The following RORB variants were observed in gnomAD, a reference collection of about 807,000 sequenced individuals.
RORB encodes nuclear receptor ROR-beta.
RORB carries 6 observed loss-of-function variants against 59.1 expected under a neutral mutation model. The ratio of observed to expected loss-of-function variants is 0.10; its 90% CI spans 0.06 to 0.20. RORB has a LOEUF of 0.20. RORB is among the 10% of genes least tolerant of loss of function. RORB has a pLI of 1.00. For missense variants in RORB, 320 were observed against 560.5 expected (o/e 0.57, Z 4.33); for synonymous variants, 215 against 204.5 (o/e 1.05, Z -0.44).
Position 74,649,248 on chromosome 9 carries a change from G to T in RORB, c.637+6433G>T, listed in dbSNP as rs540497349. On this transcript the variant is annotated intron_variant, in intron 4 of 9. Transcript: ENST00000376896. Reference sequence around the variant, plus strand: ...TTACAGGCATGAGCCACCATGCCCGGCAGAAGATATTCTTGACTACTGAGG... The same window carrying T: ...TTACAGGCATGAGCCACCATGCCCGTCAGAAGATATTCTTGACTACTGAGG... 3.3e-5 allele frequency among the ~76,000 whole-genome samples: 5 copies of T among 152,208 alleles called. 1 individual carries two copies. The East Asian group carries it at 9.7e-4, about 29-fold the overall frequency.
chr9:74,531,325 G>A (rs1013379176), intron 1 of RORB, among the ~76,000 whole-genome samples: 33 of 152,024 alleles, frequency 2.2e-4, no homozygotes, highest in African/African-American at 7.2e-4. Flanking sequence ...CCAACAATGG[G>A]TGCAAGATGC....
chr9:74,517,479 T>C (rs1826025760), intron 1 of RORB, among the ~76,000 whole-genome samples: 1 of 152,070 alleles, frequency 6.6e-6, no homozygotes, highest in Non-Finnish European at 1.5e-5. Context: ...AAACCTGCTT[T>C]CTCAGGCAGA....
intron 1 of RORB, among the ~76,000 whole-genome samples, chr9:74,572,646 T>C (rs2118231019): frequency 6.6e-6 from 1 of 152,226 alleles, no homozygotes; most frequent in Middle Eastern, 3.4e-3. Flanking sequence ...CAGAGCTAAA[T>C]TAAAACCGGT....
chr9:74,660,186 GC>G (rs1465208232), intron 4 of RORB, among the ~76,000 whole-genome samples: 1 of 152,004 alleles, frequency 6.6e-6, no homozygotes, highest in African/African-American at 2.4e-5. Context: ...AAAAAAATAA[GC>G]AAATAAATTT....
chr9:74,676,569 T>G (rs530477699), intron 9 of RORB, among the ~76,000 whole-genome samples: 49 of 152,378 alleles, frequency 3.2e-4, no homozygotes, highest in Non-Finnish European at 5.3e-4. Flanking sequence ...GTGCTTTACA[T>G]GCAAGCTTTC....
chr9:74,581,778 T>C (rs1254585391), intron 1 of RORB, among the ~76,000 whole-genome samples: 2 of 152,186 alleles, frequency 1.3e-5, no homozygotes, highest in East Asian at 3.9e-4. Flanking sequence ...ATTGAATTCA[T>C]GAGTGCAAGT....
At chr9:74,647,828 C>T (rs1823924831) in intron 4 of RORB, among the ~76,000 whole-genome samples, 1 of 152,096 alleles carries the variant, frequency 6.6e-6, no homozygotes, top group African/African-American at 2.4e-5. Context: ...TTTTATTTTG[C>T]AGAATTCTAT....
intron 1 of RORB, among the ~76,000 whole-genome samples, chr9:74,569,812 C>T (rs1170259360): frequency 1.3e-5 from 2 of 152,034 alleles, no homozygotes; most frequent in African/African-American, 4.8e-5. Context: ...CTTTCTTTGA[C>T]TGTATATAAA....
At chr9:74,675,153 G>T (rs1233786642) in intron 9 of RORB, among the ~76,000 whole-genome samples, 3 of 152,032 alleles carry the variant, frequency 2.0e-5, no homozygotes, top group Non-Finnish European at 4.4e-5. Flanking sequence ...AGAAGTGCAG[G>T]ATGGCATTCC....
chr9:74,511,042 A>G (rs910068381), intron 1 of RORB, among the ~76,000 whole-genome samples: 1 of 152,220 alleles, frequency 6.6e-6, no homozygotes, highest in African/African-American at 2.4e-5. Flanking sequence ...AAGACTTTAT[A>G]CCTAAAGACC....
At chr9:74,604,411 T>C (rs888285216) in intron 1 of RORB, among the ~76,000 whole-genome samples, 2 of 152,300 alleles carry the variant, frequency 1.3e-5, no homozygotes, top group Admixed American at 1.3e-4. Flanking sequence ...CATTTTTAGA[T>C]TCCCAGTATT....
intron 1 of RORB, among the ~76,000 whole-genome samples, chr9:74,593,804 G>T (rs1039786035): frequency 3.9e-5 from 6 of 152,090 alleles, no homozygotes; most frequent in African/African-American, 1.2e-4. Flanking sequence ...ACAAATAGAA[G>T]ACACAAGAGC....
At chr9:74,676,663 A>G (rs1824447334) in intron 9 of RORB, among the ~76,000 whole-genome samples, 2 of 152,326 alleles carry the variant, frequency 1.3e-5, no homozygotes, top group African/African-American at 2.4e-5. Flanking sequence ...TTCTCCTAGG[A>G]TGTAGAGGAG....
At chr9:74,542,762 G>C (rs1166871578) in intron 1 of RORB, among the ~76,000 whole-genome samples, 1 of 152,018 alleles carries the variant, frequency 6.6e-6, no homozygotes, top group Non-Finnish European at 1.5e-5. Flanking sequence ...TTCTTCCAAG[G>C]ATCTCCCAAG....
intron 4 of RORB, among the ~76,000 whole-genome samples, chr9:74,649,422 T>C (rs904848810): frequency 1.3e-5 from 2 of 152,170 alleles, no homozygotes; most frequent in Admixed American, 6.6e-5. Context: ...CAAAAAGGAA[T>C]TCTCCCAGTT....
Position 74,692,861 on chromosome 9 carries a change from T to C in RORB, c.*7243T>C, listed in dbSNP as rs929832114. On this transcript the variant is annotated 3_prime_UTR_variant, in exon 10 of 10. Coordinates refer to ENST00000376896, the MANE Select transcript of RORB (RefSeq NM_006914.4). ...TTCTGATCTCTCTCTCCTTGTTTAATATATAAGCCCTAATTTCTGTGTATG... is the reference window on the plus strand; with the variant it reads ...TTCTGATCTCTCTCTCCTTGTTTAACATATAAGCCCTAATTTCTGTGTATG... 3 of 152,198 alleles carry C rather than the reference T, an allele frequency of 2.0e-5. No individual in the cohort carries two copies. The highest frequency in any genetic ancestry group is 2.0e-4 in the Admixed American group (3 of 15,276). 9.4% of individuals were successfully genotyped at this position (152,198 alleles called of 1,614,324 possible).
At chr9:74,619,477 A>T (rs980900614) in intron 1 of RORB, among the ~76,000 whole-genome samples, 1 of 152,096 alleles carries the variant, frequency 6.6e-6, no homozygotes, top group African/African-American at 2.4e-5. Context: ...TTTGAGTTGG[A>T]GTCTTACTCT....
intron 1 of RORB, among the ~76,000 whole-genome samples, chr9:74,515,418 A>G (rs1010966987): frequency 6.6e-6 from 1 of 151,932 alleles, no homozygotes; most frequent in Non-Finnish European, 1.5e-5. Flanking sequence ...CTCACTGAAT[A>G]TTATTATACC....
chr9:74,632,225 G>A (rs1210672298), intron 2 of RORB, among the ~76,000 whole-genome samples: 1 of 152,098 alleles, frequency 6.6e-6, no homozygotes, highest in Middle Eastern at 3.2e-3. Flanking sequence ...CCAAGAACAA[G>A]TGTCATCTTT....
Sources: allele counts gnomAD v4.1 joint callset (sites outside exome capture counted in the v4.1 genomes callset), GRCh38; gene constraint gnomAD v4.1.1; transcripts MANE v1.5; gene names NCBI Gene and HGNC (gene_info 2026-07-23, HGNC 2026-07-21).